The following SOS2 variants were observed in gnomAD, a reference collection of about 807,000 sequenced individuals.
SOS2 encodes son of sevenless homolog 2.
Under a neutral mutation model 148.2 loss-of-function variants are expected in SOS2, and 65 were observed. The observed-to-expected ratio is 0.44, with a 90% CI of 0.36 to 0.54. The LOEUF is 0.54. Ranked by LOEUF, SOS2 falls within the 20% of genes least tolerant of loss-of-function variation. SOS2 has a pLI of 0.00. For missense variants in SOS2, 1,341 were observed against 1,590.2 expected, an observed-to-expected ratio of 0.84 and a Z score of 2.67; for synonymous variants, 539 against 537.1, an observed-to-expected ratio of 1.00 and a Z score of -0.05.
intron 8 of SOS2, among the ~76,000 whole-genome samples, chr14:50,166,315 C>T (rs1243947073): frequency 1.3e-5 from 2 of 152,072 alleles, no homozygotes; most frequent in Non-Finnish European, 2.9e-5. Flanking sequence ...CTCGATGTCC[C>T]GGGTTCAAGC....
chr14:50,198,905 T>C (rs933783038), intron 4 of SOS2, among the ~76,000 whole-genome samples: 1 of 152,226 alleles, frequency 6.6e-6, no homozygotes, highest in African/African-American at 2.4e-5. Context: ...ATGCCTATAA[T>C]CCCAACACTT....
rs1361879001 is a variant in SOS2, at chr14:50,178,668, GTGCATATATATATATATATA to G, written c.969+1884_969+1903del. ...CGCTAGTGTGTGTGTGTGTGTGTGT[GTGCATATATATATATATATA>G]TATATATATATATATATATATATAC... On this transcript the variant is annotated intron_variant, in intron 7 of 22. Coordinates refer to ENST00000216373, the MANE Select transcript of SOS2 (RefSeq NM_006939.4). 5.1e-3 allele frequency among the ~76,000 whole-genome samples: 347 copies of G among 68,382 alleles called. 3 individuals carry two copies. The highest frequency in any genetic ancestry group is 7.1e-3 in the Middle Eastern group (1 of 140). The allele number at this position is 68,382 out of a possible 152,430, so 44.9% of individuals were successfully genotyped here. A position where few individuals can be genotyped will look rare whatever the true frequency, so the allele number is the denominator to read the frequency against.
At position 50,183,871 on chromosome 14, in the gene SOS2, G is replaced by A. The variant is rs149355594; in HGVS notation, c.715-1265C>T. Among the ~76,000 whole-genome samples, 69 of 152,254 alleles carry A rather than the reference G, an allele frequency of 4.5e-4. 1 individual carries two copies. Among genetic ancestry groups the A allele is most frequent in the East Asian group, 1.2e-3 (6 of 5,184 alleles). ...TTACAGCCATTCACTGCTTAAAGACGGGTATGTTCTGAGAAATGCGCTGTT... is the reference window on the plus strand; with the variant it reads ...TTACAGCCATTCACTGCTTAAAGACAGGTATGTTCTGAGAAATGCGCTGTT... On this transcript the variant is annotated intron_variant, in intron 5 of 22. Coordinates refer to ENST00000216373, the MANE Select transcript of SOS2 (RefSeq NM_006939.4).
chr14:50,191,629 A>G (rs1215985198), intron 4 of SOS2, among the ~76,000 whole-genome samples: 2 of 152,134 alleles, frequency 1.3e-5, no homozygotes, highest in Non-Finnish European at 2.9e-5. Context: ...ACATAATACC[A>G]AAGTTCCTGA....
chr14:50,185,690 T>C (rs1443787295), intron 5 of SOS2, among the ~76,000 whole-genome samples: 2 of 122,466 alleles, frequency 1.6e-5, no homozygotes, highest in Admixed American at 8.3e-5. Context: ...AGACTCTGTC[T>C]CAAAAAAAAA....
intron 4 of SOS2, among the ~76,000 whole-genome samples, chr14:50,197,413 T>A (rs1253888837): frequency 6.6e-6 from 1 of 152,134 alleles, no homozygotes; most frequent in East Asian, 1.9e-4. Context: ...CTGTGTGCCA[T>A]CTGAGAAAAT....
chr14:50,130,849 TAGTTCTTAAGCATAC>T, intron 19 of SOS2, 87 bp from the exon 20 acceptor site: 2 of 1,181,702 alleles, frequency 1.7e-6, no homozygotes, highest in Non-Finnish European at 2.4e-6. Context: ...TTAGTCTTAT[TAGTTCTTAAGCATAC>T]AGTTCTTAAG....
intron 1 of SOS2, among the ~76,000 whole-genome samples, chr14:50,206,735 A>AT (rs1481518805): frequency 6.6e-6 from 1 of 150,810 alleles, no homozygotes; most frequent in African/African-American, 2.4e-5. Flanking sequence ...TAAACATGAG[A>AT]TTTTTTAAAA....
In SOS2 at chr14:50,117,775, C is replaced by G. The variant is rs1351966018; in HGVS notation, c.*569G>C. ...AATAATAAACACTTACAGTGCCATTCTATTATTTTCATCCTACTTTTCATT... is the reference window on the plus strand; with the variant it reads ...AATAATAAACACTTACAGTGCCATTGTATTATTTTCATCCTACTTTTCATT... On this transcript the variant is annotated 3_prime_UTR_variant, in exon 23 of 23. Transcript: ENST00000216373. 2 of 152,220 alleles carry G rather than the reference C, an allele frequency of 1.3e-5. No individual in the cohort carries two copies. The highest frequency in any genetic ancestry group is 6.5e-5 in the Admixed American group (1 of 15,284). 9.4% of individuals were successfully genotyped at this position (152,220 alleles called of 1,614,324 possible).
chr14:50,142,747 G>A (rs1395128315), intron 16 of SOS2, among the ~76,000 whole-genome samples: 1 of 152,152 alleles, frequency 6.6e-6, no homozygotes. Flanking sequence ...CCTGTTTTCT[G>A]CTACTACAAC....
chr14:50,187,633 G>C (rs1272296186), intron 5 of SOS2, among the ~76,000 whole-genome samples: 1 of 152,120 alleles, frequency 6.6e-6, no homozygotes, highest in Non-Finnish European at 1.5e-5. Context: ...ATAGGCGTGA[G>C]CCACTGCACC....
intron 1 of SOS2, among the ~76,000 whole-genome samples, chr14:50,222,460 G>GA (rs1887228061): frequency 6.6e-6 from 1 of 152,158 alleles, no homozygotes; most frequent in Non-Finnish European, 1.5e-5. Flanking sequence ...AGGTTTATGG[G>GA]AAAAAATACT....
intron 14 of SOS2, among the ~76,000 whole-genome samples, chr14:50,149,788 T>G (rs1884604380): frequency 6.6e-6 from 1 of 152,144 alleles, no homozygotes; most frequent in Non-Finnish European, 1.5e-5. Context: ...AAAATCTTCC[T>G]GCCATTCCTC....
rs1211674866 is a variant in SOS2, at chr14:50,188,806, T to C, written c.511-106A>G. The C allele has an allele frequency of 5.1e-6, 4 of 779,272 alleles. No individual in the cohort carries two copies. The East Asian group carries it at 1.2e-4, about 23-fold the overall frequency. 48.3% of individuals were successfully genotyped at this position (779,272 alleles called of 1,614,324 possible). A position where few individuals can be genotyped will look rare whatever the true frequency, so the allele number is the denominator to read the frequency against. ...CGTTATTAAACAGGGCTGGGTGTTG[T>C]AATCCCAGCACTTTGGGAGGCCAAG... On this transcript the variant is annotated intron_variant, in intron 4 of 22. Transcript: ENST00000216373.
At chr14:50,162,220 G>A (rs1233816837) in intron 8 of SOS2, among the ~76,000 whole-genome samples, 1 of 151,906 alleles carries the variant, frequency 6.6e-6, no homozygotes, top group Non-Finnish European at 1.5e-5. Context: ...TACAGTGGCA[G>A]GGCTAACTGC....
intron 1 of SOS2, among the ~76,000 whole-genome samples, chr14:50,225,373 T>C (rs577908386): frequency 1.3e-5 from 2 of 152,344 alleles, no homozygotes; most frequent in South Asian, 2.1e-4. Flanking sequence ...TACTGTTCCC[T>C]TGAAAGAGAG....
At chr14:50,135,140 T>C (rs1192305799) in intron 18 of SOS2, among the ~76,000 whole-genome samples, 1 of 149,002 alleles carries the variant, frequency 6.7e-6, no homozygotes, top group Non-Finnish European at 1.5e-5. Flanking sequence ...GTTAAACCTA[T>C]CTGTGCTAAC....
At chr14:50,131,787 CATT>C (rs1474584439) in intron 19 of SOS2, among the ~76,000 whole-genome samples, 2 of 152,156 alleles carry the variant, frequency 1.3e-5, no homozygotes, top group Admixed American at 6.5e-5. Flanking sequence ...ATTGATAACT[CATT>C]TTTAACAAGG....
At chr14:50,164,688 A>G (rs566333519) in intron 8 of SOS2, among the ~76,000 whole-genome samples, 10 of 152,154 alleles carry the variant, frequency 6.6e-5, no homozygotes, top group African/African-American at 2.2e-4. Flanking sequence ...CTATGTGCAA[A>G]CAAGTAATGT....
Sources: gnomAD v4.1 joint callset for allele counts (sites outside exome capture counted in the v4.1 genomes callset) on GRCh38, gnomAD v4.1.1 for gene constraint, MANE v1.5 for transcripts, NCBI Gene and HGNC (gene_info 2026-07-23, HGNC 2026-07-21) for gene names.